Variants in GLI3 observed in about 807,000 individuals in gnomAD.
GLI3 encodes GLI family zinc finger 3.
GLI3 carries 20 observed loss-of-function variants against 100.8 expected under a neutral mutation model. The ratio of observed to expected loss-of-function variants is 0.20; its 90% CI spans 0.14 to 0.29. GLI3 has a LOEUF of 0.29. GLI3 is among the 10% of genes least tolerant of loss of function. The pLI is 1.00. For synonymous variants in GLI3, 938 were observed against 860.5 expected (o/e 1.09, Z -1.58); for missense variants, 2,040 against 2,128.5 (o/e 0.96, Z 0.82).
intron 3 of GLI3, among the ~76,000 whole-genome samples, chr7:42,143,740 T>C (rs1331768658): frequency 1.3e-5 from 2 of 152,306 alleles, no homozygotes; most frequent in South Asian, 2.1e-4. Flanking sequence ...CTGGGGAACA[T>C]AGGAAGAATA....
intron 2 of GLI3, among the ~76,000 whole-genome samples, chr7:42,174,141 T>C (rs1299911241): frequency 6.6e-6 from 1 of 152,094 alleles, no homozygotes; most frequent in Non-Finnish European, 1.5e-5. Context: ...ATAGTTAAAA[T>C]ACTAGATAAA....
intron 3 of GLI3, among the ~76,000 whole-genome samples, chr7:42,088,497 C>G (rs145172997): frequency 7.9e-5 from 12 of 152,202 alleles, no homozygotes; most frequent in Non-Finnish European, 2.9e-5. Flanking sequence ...CTATCTCTGA[C>G]CGTCCACCCC....
chr7:42,026,549 C>T, intron 7 of GLI3, 137 bp from the exon 8 acceptor site: 2 of 736,070 alleles, frequency 2.7e-6, no homozygotes, highest in Non-Finnish European at 4.8e-6. Flanking sequence ...GGATTATTGC[C>T]AAGCATCTTG....
intron 6 of GLI3, among the ~76,000 whole-genome samples, chr7:42,043,629 T>C (rs752782775): frequency 1.3e-5 from 2 of 152,236 alleles, no homozygotes; most frequent in Admixed American, 6.5e-5. Flanking sequence ...TGATGAATGA[T>C]AGGACATCTA....
intron 4 of GLI3, among the ~76,000 whole-genome samples, chr7:42,063,288 T>TAC (rs1358010791): frequency 9.9e-5 from 15 of 152,128 alleles, no homozygotes; most frequent in African/African-American, 3.6e-4. Context: ...ACCAAATACA[T>TAC]ACGTACACAC....
intron 10 of GLI3, among the ~76,000 whole-genome samples, chr7:41,981,625 G>T (rs1413271364): frequency 6.6e-6 from 1 of 152,232 alleles, no homozygotes; most frequent in African/African-American, 2.4e-5. Flanking sequence ...CTTTAGGTGA[G>T]GTGGCAAAGG....
At chr7:42,074,270 G>A (rs1026518066) in intron 4 of GLI3, among the ~76,000 whole-genome samples, 2 of 152,206 alleles carry the variant, frequency 1.3e-5, no homozygotes, top group African/African-American at 4.8e-5. Flanking sequence ...CACATGCAAA[G>A]GTCAGTGGCC....
Position 42,076,748 on chromosome 7 carries a change from T to G in GLI3, c.473+4A>C, listed in dbSNP as rs1784885522. Reference sequence around the variant, plus strand: ...TCATTAATGAAGAAAGTGTTAATACTTACATATGCAATGGAGGAATCGGAG... The same window carrying G: ...TCATTAATGAAGAAAGTGTTAATACGTACATATGCAATGGAGGAATCGGAG... On this transcript the variant is annotated splice_donor_region_variant and intron_variant, in intron 4 of 14. Transcript: ENST00000395925. 1.3e-6 allele frequency: 2 copies of G among 1,536,290 alleles called. No homozygotes were observed. Among genetic ancestry groups the G allele is most frequent in the Non-Finnish European group, 9.0e-7 (1 of 1,108,848 alleles).
intron 3 of GLI3, among the ~76,000 whole-genome samples, chr7:42,123,878 C>A (rs931328771): frequency 3.9e-5 from 6 of 152,140 alleles, no homozygotes; most frequent in African/African-American, 1.4e-4. Context: ...AACCTAAGAT[C>A]CAGTTCTCAG....
chr7:42,065,894 T>C (rs1356017765), intron 4 of GLI3, among the ~76,000 whole-genome samples: 1 of 152,150 alleles, frequency 6.6e-6, no homozygotes, highest in Non-Finnish European at 1.5e-5. Context: ...AGTAGCCATG[T>C]TATTAAACTA....
At chr7:42,263,350 C>T (rs1789164469) in intron 1 of GLI3, among the ~76,000 whole-genome samples, 1 of 152,138 alleles carries the variant, frequency 6.6e-6, no homozygotes, top group South Asian at 2.1e-4. Context: ...TGTGATGCTT[C>T]TTAGGTGGAA....
chr7:42,048,975 T>C (rs1459579182), intron 4 of GLI3, among the ~76,000 whole-genome samples: 5 of 152,228 alleles, frequency 3.3e-5, no homozygotes, highest in African/African-American at 1.2e-4. Context: ...CTATGGCTTC[T>C]TCCATGAGAA....
chr7:42,053,448 G>A (rs1784392542), intron 4 of GLI3, among the ~76,000 whole-genome samples: 1 of 152,204 alleles, frequency 6.6e-6, no homozygotes, highest in South Asian at 2.1e-4. Flanking sequence ...GAGGACAGGG[G>A]AGGTATGGAG....
At chr7:42,229,538 C>T (rs56362525) in intron 1 of GLI3, among the ~76,000 whole-genome samples, 46,531 of 152,082 alleles carry the variant, frequency 0.31, 7,459 homozygotes, top group Middle Eastern at 0.48. Context: ...TCTTGATTTG[C>T]TGTTTTAAAT....
intron 1 of GLI3, among the ~76,000 whole-genome samples, chr7:42,262,605 G>T (rs939036641): frequency 2.6e-5 from 4 of 152,012 alleles, no homozygotes; most frequent in African/African-American, 9.7e-5. Context: ...AGAATTTCTG[G>T]GGCAGACTCT....
At chr7:42,237,249 C>T (rs995671004), upstream of GLI3, among the ~76,000 whole-genome samples, 1 of 151,430 alleles carries the variant, frequency 6.6e-6, no homozygotes, top group South Asian at 2.1e-4. Context: ...CGCTCCCTCC[C>T]GCTCGTGCAG....
At chr7:42,193,087 A>G (rs909335530) in intron 2 of GLI3, among the ~76,000 whole-genome samples, 1 of 152,094 alleles carries the variant, frequency 6.6e-6, no homozygotes, top group Non-Finnish European at 1.5e-5. Context: ...CGATTTTTTG[A>G]CTCAGCTCCA....
chr7:42,093,308 G>A (rs112177029), intron 3 of GLI3, among the ~76,000 whole-genome samples: 30,251 of 150,948 alleles, frequency 0.2, 3,278 homozygotes, highest in Admixed American at 0.34. Flanking sequence ...GAACCCGGGA[G>A]GCGGCGGTTG....
intron 4 of GLI3, among the ~76,000 whole-genome samples, chr7:42,063,494 CA>C (rs1160618439): frequency 1.3e-5 from 2 of 151,884 alleles, no homozygotes; most frequent in Non-Finnish European, 2.9e-5. Context: ...AGCACATGTA[CA>C]AAAAAGGGAA....
Sources: gnomAD v4.1 joint callset for allele counts (sites outside exome capture counted in the v4.1 genomes callset) on GRCh38, gnomAD v4.1.1 for gene constraint, MANE v1.5 for transcripts, NCBI Gene and HGNC (gene_info 2026-07-23, HGNC 2026-07-21) for gene names.